Variants in PRRC1 observed in about 807,000 individuals in gnomAD.
PRRC1 encodes the protein proline rich coiled-coil 1, also known as protein PRRC1.
A neutral mutation model predicts 40.7 loss-of-function variants in PRRC1; 39 were observed. That is an observed-to-expected ratio of 0.96 (90% CI 0.74 to 1.25). The LOEUF (loss-of-function observed/expected upper bound fraction) is 1.25. PRRC1 is among the 50% of genes most tolerant of loss of function. PRRC1 has a pLI of 0.00. For synonymous variants in PRRC1, 175 were observed against 193.3 expected (o/e 0.91, Z 0.79); for missense variants, 573 against 548.3 (o/e 1.05, Z -0.45).
At chr5:127,519,163 T>C (rs1397005169) in intron 1 of PRRC1, among the ~76,000 whole-genome samples, 1 of 152,164 alleles carries the variant, frequency 6.6e-6, no homozygotes, top group East Asian at 1.9e-4. Flanking sequence ...GGAGCATCTG[T>C]AGTAGAGGGT....
At chr5:127,539,676 A>G (rs1404485645) in intron 7 of PRRC1, among the ~76,000 whole-genome samples, 1 of 152,110 alleles carries the variant, frequency 6.6e-6, no homozygotes, top group Non-Finnish European at 1.5e-5. Flanking sequence ...CCCTTTGTTG[A>G]AATCTACCTT....
In PRRC1 at chr5:127,530,289, T is replaced by C; in HGVS notation, c.655-5T>C. On this transcript the variant is annotated splice_polypyrimidine_tract_variant and splice_region_variant and intron_variant, in intron 4 of 8. Transcript: ENST00000296666. Reference sequence around the variant, plus strand: ...AATACTTACATATTGATTTGTTTTATGCAGGGTGTGGCTGGGAATCCTATG... The same window carrying C: ...AATACTTACATATTGATTTGTTTTACGCAGGGTGTGGCTGGGAATCCTATG... 1 of 1,611,802 alleles carries C rather than the reference T, an allele frequency of 6.2e-7. No homozygotes were observed.
At position 127,530,323 on chromosome 5, in the gene PRRC1, T is replaced by C. The variant is rs756362564; in HGVS notation, c.684T>C (p.Ser228=). ...KGVAGNPMVK[S]VLDKTKHSVE... ...TGGCTGGGAATCCTATGGTGAAGTCTGTGCTTGATAAGACAAAACATTCAG... is the reference window on the plus strand; with the variant it reads ...TGGCTGGGAATCCTATGGTGAAGTCCGTGCTTGATAAGACAAAACATTCAG... Residue 228 remains serine (S), a synonymous_variant, in exon 5 of 9, where the codon TCT becomes TCC. Coordinates refer to ENST00000296666, the MANE Select transcript of PRRC1 (RefSeq NM_130809.5). The C allele has an allele frequency of 1.3e-5, 21 of 1,613,826 alleles. No individual in the cohort carries two copies. The highest frequency in any genetic ancestry group is 1.7e-5 in the Non-Finnish European group (20 of 1,179,898).
chr5:127,552,222 T>A lies in PRRC1; in HGVS notation c.*306T>A, dbSNP rs1671110028. 9.0e-7 allele frequency: 1 copy of A among 1,114,138 alleles called. No homozygotes were observed. The highest frequency in any genetic ancestry group is 2.9e-5 in the South Asian group (1 of 34,288). The allele number at this position is 1,114,138 out of a possible 1,614,324, so 69.0% of individuals were successfully genotyped here. On this transcript the variant is annotated 3_prime_UTR_variant, in exon 9 of 9. Coordinates refer to ENST00000296666, the MANE Select transcript of PRRC1 (RefSeq NM_130809.5). ...GGTGGAAATTCATGTGCAGAGACAT[T>A]TAACTTAATGCCATGTACTTGATTA...
chr5:127,542,615 T>C (rs1268247437), intron 7 of PRRC1, among the ~76,000 whole-genome samples: 2 of 151,734 alleles, frequency 1.3e-5, no homozygotes, highest in East Asian at 3.9e-4. Context: ...ATTGATCCCT[T>C]TACCATTATG....
At chr5:127,528,932 TC>T (rs1158799963) in intron 4 of PRRC1, among the ~76,000 whole-genome samples, 1 of 152,198 alleles carries the variant, frequency 6.6e-6, no homozygotes, top group African/African-American at 2.4e-5. Flanking sequence ...GTTTCCCTGT[TC>T]TTGTAGTAGA....
chr5:127,521,636 A>G (rs144194769), intron 1 of PRRC1, among the ~76,000 whole-genome samples: 2,277 of 152,342 alleles, frequency 0.015, 15 homozygotes, highest in Non-Finnish European at 0.022. Flanking sequence ...TTTATTTCTA[A>G]CACAGTGACA....
intron 7 of PRRC1, among the ~76,000 whole-genome samples, chr5:127,546,338 C>A (rs1055066882): frequency 6.6e-6 from 1 of 152,138 alleles, no homozygotes; most frequent in African/African-American, 2.4e-5. Flanking sequence ...CTATATGAAC[C>A]ATAGTTAACT....
At chr5:127,544,876 C>T (rs997839991) in intron 7 of PRRC1, among the ~76,000 whole-genome samples, 11 of 152,308 alleles carry the variant, frequency 7.2e-5, no homozygotes, top group South Asian at 4.1e-4. Context: ...GAGCATGGTG[C>T]GCTGCACCCA....
chr5:127,546,168 T>C (rs1474560890), intron 7 of PRRC1, among the ~76,000 whole-genome samples: 1 of 152,174 alleles, frequency 6.6e-6, no homozygotes, highest in East Asian at 1.9e-4. Context: ...CATTTTCTAT[T>C]CACCTGTCTT....
chr5:127,518,615 T>C (rs42263), intron 1 of PRRC1, among the ~76,000 whole-genome samples: 48,447 of 152,094 alleles, frequency 0.32, 7,981 homozygotes, highest in East Asian at 0.55. Context: ...CGCTCACTGT[T>C]TGGTAGTAGA....
intron 3 of PRRC1, among the ~76,000 whole-genome samples, chr5:127,525,180 C>T (rs1480403864): frequency 6.6e-6 from 1 of 152,184 alleles, no homozygotes; most frequent in Non-Finnish European, 1.5e-5. Flanking sequence ...CTCTAGGCAA[C>T]TACTAATCTA....
intron 1 of PRRC1, among the ~76,000 whole-genome samples, chr5:127,520,405 T>C (rs1767427834): frequency 6.6e-6 from 1 of 152,214 alleles, no homozygotes. Flanking sequence ...AAAATAAATA[T>C]GAATTGCTAA....
chr5:127,534,210 C>A (rs1044961168), intron 6 of PRRC1, among the ~76,000 whole-genome samples: 2 of 151,952 alleles, frequency 1.3e-5, no homozygotes, highest in Non-Finnish European at 2.9e-5. Context: ...TGTGTTATTA[C>A]CAGCATACAG....
intron 4 of PRRC1, among the ~76,000 whole-genome samples, chr5:127,529,614 C>T (rs113723371): frequency 8.5e-5 from 13 of 152,232 alleles, no homozygotes; most frequent in African/African-American, 2.6e-4. Flanking sequence ...TCTCAGGAGG[C>T]ACTGCTCCCT....
chr5:127,527,588 T>C (rs1287357504), intron 4 of PRRC1, among the ~76,000 whole-genome samples: 1 of 151,758 alleles, frequency 6.6e-6, no homozygotes, highest in Non-Finnish European at 1.5e-5. Context: ...TGAGACCCAG[T>C]CTCTACCAAA....
intron 7 of PRRC1, among the ~76,000 whole-genome samples, chr5:127,540,491 T>G (rs1054144725): frequency 1.3e-5 from 2 of 152,144 alleles, no homozygotes; most frequent in African/African-American, 4.8e-5. Context: ...TCTGTTTTTC[T>G]GTCTGGGGTC....
At chr5:127,546,182 G>T (rs910192480) in intron 7 of PRRC1, among the ~76,000 whole-genome samples, 2 of 151,918 alleles carry the variant, frequency 1.3e-5, no homozygotes, top group African/African-American at 4.8e-5. Flanking sequence ...CTGTCTTCAG[G>T]TTCACTAATC....
intron 7 of PRRC1, among the ~76,000 whole-genome samples, chr5:127,542,772 G>A (rs1245960884): frequency 6.7e-6 from 1 of 150,034 alleles, no homozygotes; most frequent in East Asian, 2.0e-4. Context: ...GTGTGTCTCT[G>A]CACGTGAGAT....
Sources: allele counts gnomAD v4.1 joint callset (sites outside exome capture counted in the v4.1 genomes callset), GRCh38; gene constraint gnomAD v4.1.1; transcripts MANE v1.5; gene names NCBI Gene and HGNC (gene_info 2026-07-23, HGNC 2026-07-21).